Variants in NXPE2 observed in about 807,000 individuals in gnomAD.
The protein encoded by NXPE2 is NXPE family member 2.
A neutral mutation model predicts 34.4 loss-of-function variants in NXPE2; 34 were observed. The ratio of observed to expected loss-of-function variants is 0.99; its 90% CI spans 0.75 to 1.31. NXPE2 has a LOEUF of 1.31. NXPE2 is among the 40% of genes most tolerant of loss of function. NXPE2 has a pLI of 0.00. For synonymous variants in NXPE2, 235 were observed against 231.3 expected (o/e 1.02, Z -0.15); for missense variants, 649 against 672.5 (o/e 0.97, Z 0.39).
the NXPE2 span, among the ~76,000 whole-genome samples, chr11:114,640,569 A>T: frequency 1.3e-5 from 2 of 151,772 alleles, 1 homozygote; most frequent in Non-Finnish European, 2.9e-5. Flanking sequence ...TTACACTCCC[A>T]CCCACAATGC....
At chr11:114,681,826 A>G (rs562799502) in intron 2 of NXPE2, among the ~76,000 whole-genome samples, 2 of 152,166 alleles carry the variant, frequency 1.3e-5, no homozygotes, top group Non-Finnish European at 2.9e-5. Context: ...TAATTTTTAT[A>G]CCAAATAAGC....
At chr11:114,660,366 G>C in the NXPE2 span, among the ~76,000 whole-genome samples, 1 of 151,786 alleles carries the variant, frequency 6.6e-6, no homozygotes, top group Admixed American at 6.6e-5. Flanking sequence ...CCTCAACAAA[G>C]TATTAGCAAA....
the NXPE2 span, among the ~76,000 whole-genome samples, chr11:114,619,093 C>G: frequency 1.3e-5 from 2 of 152,004 alleles, no homozygotes; most frequent in Admixed American, 1.3e-4. Flanking sequence ...CATGGGTAAC[C>G]ACTGTTGCAC....
the NXPE2 span, among the ~76,000 whole-genome samples, chr11:114,639,673 A>G: frequency 7.0e-6 from 1 of 141,890 alleles, no homozygotes; most frequent in Non-Finnish European, 1.5e-5. Flanking sequence ...TGTATTATAT[A>G]TGTAATATAT....
At chr11:114,496,887 G>A in the NXPE2 span, among the ~76,000 whole-genome samples, 6 of 152,206 alleles carry the variant, frequency 3.9e-5, no homozygotes, top group South Asian at 8.3e-4. Flanking sequence ...TGATGCTGGT[G>A]TAAACAAACC....
the NXPE2 span, among the ~76,000 whole-genome samples, chr11:114,748,688 A>G: frequency 6.6e-6 from 1 of 152,236 alleles, no homozygotes; most frequent in African/African-American, 2.4e-5. Flanking sequence ...ACATGCCATT[A>G]GATGACACAG....
chr11:114,492,307 CT>C, the NXPE2 span, among the ~76,000 whole-genome samples: 5 of 151,778 alleles, frequency 3.3e-5, no homozygotes, highest in African/African-American at 7.3e-5. Flanking sequence ...CCAAAAATCC[CT>C]CTTGTTATCG....
chr11:114,678,562 G>T lies in NXPE2; in HGVS notation c.-14G>T. On this transcript the variant is annotated 5_prime_UTR_variant, in exon 1 of 6. Transcript: ENST00000389586. ...AGTCTCTGGACACTATAATTCCTGT[G>T]AGAACACGAGAAGATGGTGGAGAAA... 6.5e-7 allele frequency: 1 copy of T among 1,545,600 alleles called. No individual in the cohort carries two copies. Among genetic ancestry groups the T allele is most frequent in the South Asian group, 1.2e-5 (1 of 83,894 alleles).
At chr11:114,761,874 G>A in the NXPE2 span, among the ~76,000 whole-genome samples, 1 of 152,140 alleles carries the variant, frequency 6.6e-6, no homozygotes, top group African/African-American at 2.4e-5. Flanking sequence ...GCGCCCGGCC[G>A]CCAAGCCTCT....
At chr11:114,653,533 C>CT in the NXPE2 span, among the ~76,000 whole-genome samples, 3,856 of 103,454 alleles carry the variant, frequency 0.037, 216 homozygotes, top group African/African-American at 0.11. Flanking sequence ...CCTGCTTTCC[C>CT]TTTTTTTTTT....
the NXPE2 span, among the ~76,000 whole-genome samples, chr11:114,544,143 AG>A: frequency 2.0e-5 from 3 of 152,212 alleles, no homozygotes; most frequent in Non-Finnish European, 4.4e-5. Flanking sequence ...AAATATTGTT[AG>A]GATGTCAGTT....
the NXPE2 span, among the ~76,000 whole-genome samples, chr11:114,619,260 T>C: frequency 7.4e-5 from 11 of 149,022 alleles, no homozygotes; most frequent in Non-Finnish European, 1.6e-4. Flanking sequence ...TCTTGAGTAA[T>C]CAATGGTACC....
intron 2 of NXPE2, 29 bp downstream of exon 2, chr11:114,679,791 CAGA>C: frequency 7.3e-7 from 1 of 1,376,496 alleles, no homozygotes; most frequent in Non-Finnish European, 1.0e-6. Flanking sequence ...AAGAATTTCA[CAGA>C]AGGTCACGGT....
the NXPE2 span, among the ~76,000 whole-genome samples, chr11:114,646,173 T>C: frequency 6.6e-6 from 1 of 152,110 alleles, no homozygotes; most frequent in Non-Finnish European, 1.5e-5. Flanking sequence ...TTTCTATATC[T>C]TAAACTAACT....
At chr11:114,713,005 C>A in the NXPE2 span, among the ~76,000 whole-genome samples, 2 of 152,026 alleles carry the variant, frequency 1.3e-5, no homozygotes, top group African/African-American at 2.4e-5. Context: ...GGATATTATG[C>A]GAAGTGGAAG....
In NXPE2 at chr11:114,705,842, T is replaced by C. The variant is rs1028239838; in HGVS notation, c.990T>C (p.Tyr330=). ...TGAAGACTCCTTTCCCCAGTGGTTA[T>C]ACTTTGAAAAAAATGTGGATTACAG... The part of the protein sequence containing the change: ...IGMKTPFPSG[Y]TLKKMWITAF... Residue 330 remains tyrosine (Y), a synonymous_variant, in exon 5 of 6, where the codon TAT becomes TAC. Coordinates refer to ENST00000389586, the MANE Select transcript of NXPE2 (RefSeq NM_182495.6). 6 of 1,542,684 alleles carry C rather than the reference T, an allele frequency of 3.9e-6. No homozygotes were observed. Among genetic ancestry groups the C allele is most frequent in the African/African-American group, 2.8e-5 (2 of 72,470 alleles).
the NXPE2 span, chr11:114,512,956 TCA>T: frequency 3.1e-6 from 1 of 322,136 alleles, no homozygotes; most frequent in Non-Finnish European, 6.3e-6. Context: ...GATGATCCTG[TCA>T]CAGTGTTGGT....
At chr11:114,474,470 T>G in the NXPE2 span, among the ~76,000 whole-genome samples, 1 of 152,126 alleles carries the variant, frequency 6.6e-6, no homozygotes, top group Non-Finnish European at 1.5e-5. Flanking sequence ...AGGGTGGTGT[T>G]TAGAAGTCAG....
chr11:114,666,580 G>C, the NXPE2 span, among the ~76,000 whole-genome samples: 1 of 152,102 alleles, frequency 6.6e-6, no homozygotes, highest in Non-Finnish European at 1.5e-5. Flanking sequence ...TGATAGTTAA[G>C]AGACCTGTTC....
Sources: gnomAD v4.1 joint callset for allele counts (sites outside exome capture counted in the v4.1 genomes callset) on GRCh38, gnomAD v4.1.1 for gene constraint, MANE v1.5 for transcripts, NCBI Gene and HGNC (gene_info 2026-07-23, HGNC 2026-07-21) for gene names.